The following DLG2 variants were observed in gnomAD, a reference collection of about 807,000 sequenced individuals.
DLG2 encodes the protein disks large homolog 2.
In DLG2, 45 loss-of-function variants were observed where a neutral mutation model predicts 132.5. The observed-to-expected ratio is 0.34, with a 90% CI of 0.27 to 0.44. DLG2 has a LOEUF of 0.44. Among genes scored for constraint, DLG2 ranks in the 20% least tolerant of loss-of-function variants. DLG2 has a pLI of 1.00. For missense variants in DLG2, 1,045 were observed against 1,196.9 expected (o/e 0.87, Z 1.87); for synonymous variants, 424 against 419.6 (o/e 1.01, Z -0.13).
chr11:85,584,623 C>A (rs2078846906), intron 3 of DLG2, among the ~76,000 whole-genome samples: 1 of 152,120 alleles, frequency 6.6e-6, no homozygotes, highest in Non-Finnish European at 1.5e-5. Context: ...ACATCCCCAC[C>A]AGCAGTGTAA....
At chr11:84,856,737 C>G (rs958352577) in intron 6 of DLG2, among the ~76,000 whole-genome samples, 38 of 152,064 alleles carry the variant, frequency 2.5e-4, no homozygotes, top group Non-Finnish European at 4.4e-5. Context: ...CCTCTAAAGA[C>G]TGAGACGAAA....
chr11:85,482,069 C>A (rs997091604), intron 3 of DLG2, among the ~76,000 whole-genome samples: 1 of 151,468 alleles, frequency 6.6e-6, no homozygotes, highest in Non-Finnish European at 1.5e-5. Flanking sequence ...AGGCTCCAGA[C>A]CAACCCCAAG....
At chr11:84,984,374 T>C (rs2056194471) in intron 6 of DLG2, among the ~76,000 whole-genome samples, 1 of 152,140 alleles carries the variant, frequency 6.6e-6, no homozygotes, top group Non-Finnish European at 1.5e-5. Flanking sequence ...TTGTATCCAG[T>C]GAAACTAAGT....
In DLG2 at chr11:84,298,286, A is replaced by G. The variant is rs556117404; in HGVS notation, c.520-46995T>C. On this transcript the variant is annotated intron_variant, in intron 7 of 27. Coordinates refer to ENST00000376104, the MANE Select transcript of DLG2 (RefSeq NM_001142699.3). ...AAAATTATATGTTTCATGCAAATCA[A>G]TGACTTTTGCATACCTTGATATAAG... is the stretch of plus-strand genomic sequence containing the variant. 5.9e-5 allele frequency among the ~76,000 whole-genome samples: 9 copies of G among 152,284 alleles called. No individual in the cohort carries two copies. In the South Asian group the frequency reaches 1.7e-3, roughly 28 times the overall value.
intron 6 of DLG2, among the ~76,000 whole-genome samples, chr11:84,992,160 C>A (rs547615339): frequency 2.0e-5 from 3 of 152,056 alleles, no homozygotes; most frequent in Non-Finnish European, 4.4e-5. Flanking sequence ...CTTACTCATG[C>A]GTCTTTTTCT....
At chr11:84,274,774 C>G (rs1401740493) in intron 7 of DLG2, among the ~76,000 whole-genome samples, 2 of 152,198 alleles carry the variant, frequency 1.3e-5, no homozygotes, top group African/African-American at 4.8e-5. Context: ...ACTTCACGAG[C>G]ACACACCATA....
intron 5 of DLG2, among the ~76,000 whole-genome samples, chr11:85,114,749 A>T (rs1028973363): frequency 2.2e-4 from 34 of 151,988 alleles, no homozygotes; most frequent in Non-Finnish European, 1.8e-4. Flanking sequence ...ATAAATATGT[A>T]ACTACAAAGA....
In DLG2 at chr11:83,754,736, A is replaced by G. The variant is rs542897877; in HGVS notation, c.1825+31954T>C. Among the ~76,000 whole-genome samples, 53 of 151,504 alleles carry G rather than the reference A, an allele frequency of 3.5e-4. 1 individual carries two copies. The highest frequency in any genetic ancestry group is 5.3e-4 in the Non-Finnish European group (36 of 68,006). ...TACAAAGATTTCACTGAAACACAAG[A>G]TACAGGAGGAAACAATTTGCCATGT... On this transcript the variant is annotated intron_variant, in intron 18 of 27. Coordinates refer to ENST00000376104, the MANE Select transcript of DLG2 (RefSeq NM_001142699.3).
At chr11:84,738,899 T>C (rs920173710) in intron 6 of DLG2, among the ~76,000 whole-genome samples, 4 of 152,262 alleles carry the variant, frequency 2.6e-5, no homozygotes, top group South Asian at 4.1e-4. Flanking sequence ...AAGATATATA[T>C]GTAAAACCTC....
At chr11:84,477,880 T>C (rs886089020) in intron 7 of DLG2, among the ~76,000 whole-genome samples, 4 of 152,198 alleles carry the variant, frequency 2.6e-5, no homozygotes, top group Admixed American at 6.5e-5. Context: ...TAGTGGCAGT[T>C]AACATTAAAA....
chr11:83,896,592 G>GT (rs1279043227), intron 15 of DLG2, among the ~76,000 whole-genome samples: 2 of 152,282 alleles, frequency 1.3e-5, no homozygotes, highest in East Asian at 3.9e-4. Flanking sequence ...TTACGACTGA[G>GT]TTTTTTATTA....
intron 6 of DLG2, among the ~76,000 whole-genome samples, chr11:84,608,264 CA>C (rs901157256): frequency 8.5e-5 from 13 of 152,122 alleles, no homozygotes; most frequent in Non-Finnish European, 1.6e-4. Flanking sequence ...TTTTATAACA[CA>C]AAAGACAAAA....
intron 4 of DLG2, among the ~76,000 whole-genome samples, chr11:85,184,987 A>G (rs2079990241): frequency 6.6e-6 from 1 of 151,980 alleles, no homozygotes; most frequent in Non-Finnish European, 1.5e-5. Context: ...GAATATTCTA[A>G]GCAACTAAAA....
intron 3 of DLG2, among the ~76,000 whole-genome samples, chr11:85,350,854 C>T (rs1271169864): frequency 6.6e-6 from 1 of 152,072 alleles, no homozygotes; most frequent in East Asian, 1.9e-4. Context: ...ATGCCTCCAG[C>T]TTTGTTCTTT....
chr11:84,728,726 T>G (rs2062799133), intron 6 of DLG2, among the ~76,000 whole-genome samples: 1 of 152,134 alleles, frequency 6.6e-6, no homozygotes. Context: ...GTCTTGGACT[T>G]TTTTTGGTTG....
chr11:85,343,464 G>C (rs1215296110), intron 3 of DLG2, among the ~76,000 whole-genome samples: 1 of 152,094 alleles, frequency 6.6e-6, no homozygotes, highest in Non-Finnish European at 1.5e-5. Flanking sequence ...TACCATGCCT[G>C]ACTCATGGTC....
chr11:85,274,314 A>G (rs951077370), intron 4 of DLG2, among the ~76,000 whole-genome samples: 4 of 152,202 alleles, frequency 2.6e-5, no homozygotes, highest in African/African-American at 9.6e-5. Context: ...TTGTTATCAT[A>G]GTATTGCAAG....
chr11:83,460,310 C>A (rs542318313), intron 27 of DLG2, among the ~76,000 whole-genome samples: 13 of 152,236 alleles, frequency 8.5e-5, no homozygotes, highest in African/African-American at 3.1e-4. Flanking sequence ...AGAAAACTGG[C>A]CTTACAGTCT....
At chr11:84,310,914 G>T (rs1398511948) in intron 7 of DLG2, among the ~76,000 whole-genome samples, 1 of 152,188 alleles carries the variant, frequency 6.6e-6, no homozygotes, top group Non-Finnish European at 1.5e-5. Flanking sequence ...TATGAGGGGA[G>T]ATTTACAGAG....
Sources: gnomAD v4.1 joint callset for allele counts (sites outside exome capture counted in the v4.1 genomes callset) on GRCh38, gnomAD v4.1.1 for gene constraint, MANE v1.5 for transcripts, NCBI Gene and HGNC (gene_info 2026-07-23, HGNC 2026-07-21) for gene names.